Variants in SORCS2 observed in about 807,000 individuals in gnomAD.
SORCS2 encodes sortilin related VPS10 domain containing receptor 2, also known as VPS10 domain-containing receptor SorCS2.
Under a neutral mutation model 141.6 loss-of-function variants are expected in SORCS2, and 100 were observed. That is an observed-to-expected ratio of 0.71 (90% CI 0.60 to 0.83). The LOEUF is 0.83. Among genes scored for constraint, SORCS2 ranks in the 40% least tolerant of loss-of-function variants. The pLI is 0.00. For synonymous variants in SORCS2, 789 were observed against 676.9 expected (o/e 1.17, Z -2.57); for missense variants, 1,646 against 1,560.2 (o/e 1.05, Z -0.93).
At chr4:7,402,872 C>T (rs1231006009) in intron 2 of SORCS2, among the ~76,000 whole-genome samples, 1 of 151,910 alleles carries the variant, frequency 6.6e-6, no homozygotes, top group East Asian at 1.9e-4. Context: ...TGTGACTCAC[C>T]TGCTCATATC....
intron 3 of SORCS2, among the ~76,000 whole-genome samples, chr4:7,598,113 C>T (rs952933885): frequency 2.0e-5 from 3 of 152,044 alleles, no homozygotes; most frequent in Non-Finnish European, 2.9e-5. Context: ...GGATTACAGG[C>T]GTAAGCCACC....
chr4:7,577,095 T>C (rs947219782), intron 3 of SORCS2, among the ~76,000 whole-genome samples: 2 of 152,178 alleles, frequency 1.3e-5, no homozygotes, highest in African/African-American at 4.8e-5. Context: ...GTTGAGTTCC[T>C]GTTTTAGAGA....
At chr4:7,667,078 G>A in intron 7 of SORCS2, 46 bp from the exon 8 acceptor site, 1 of 1,516,562 alleles carries the variant, frequency 6.6e-7, no homozygotes, top group Non-Finnish European at 9.1e-7. Context: ...ACTGTGGCTG[G>A]AGAGGGAATC....
At chr4:7,273,310 C>G (rs1279472673) in intron 1 of SORCS2, among the ~76,000 whole-genome samples, 1 of 152,230 alleles carries the variant, frequency 6.6e-6, no homozygotes, top group African/African-American at 2.4e-5. Context: ...ATCTAGCCCT[C>G]TTTCCCTGGT....
intron 1 of SORCS2, among the ~76,000 whole-genome samples, chr4:7,284,589 A>G (rs554539525): frequency 6.2e-4 from 95 of 152,276 alleles, no homozygotes; most frequent in African/African-American, 2.2e-3. Context: ...TGAGGACAGC[A>G]TTTGACACAG....
chr4:7,366,558 C>T (rs573422123), intron 1 of SORCS2, among the ~76,000 whole-genome samples: 1 of 151,312 alleles, frequency 6.6e-6, no homozygotes, highest in Non-Finnish European at 1.5e-5. Context: ...CTCCTCCATC[C>T]TCATCAGCCT....
intron 1 of SORCS2, among the ~76,000 whole-genome samples, chr4:7,390,047 T>C (rs554287304): frequency 3.9e-5 from 6 of 152,158 alleles, no homozygotes; most frequent in Non-Finnish European, 7.3e-5. Flanking sequence ...GGAAGCTGCA[T>C]GGCCAGTCCC....
At chr4:7,543,971 T>TCCATCCATCCAC in intron 3 of SORCS2, among the ~76,000 whole-genome samples, 1 of 123,256 alleles carries the variant, frequency 8.1e-6, no homozygotes, top group Non-Finnish European at 1.7e-5. Context: ...CATCCATCCA[T>TCCATCCATCCAC]CCACCCATCC....
chr4:7,711,841 C>T (rs754417046), intron 14 of SORCS2, among the ~76,000 whole-genome samples: 6 of 152,194 alleles, frequency 3.9e-5, no homozygotes, highest in Non-Finnish European at 5.9e-5. Context: ...CCATGGATGC[C>T]GCAGGGTGCC....
rs1725613996 is a variant in SORCS2, at chr4:7,708,438, A to G, written c.1868+4154A>G. On this transcript the variant is annotated intron_variant, in intron 14 of 26. Coordinates refer to ENST00000507866, the MANE Select transcript of SORCS2 (RefSeq NM_020777.3). ...GGGCCCCCTTCACTGGTCTCACTGAACATCCAGTACCCGCCACGGGTGGGT... is the reference window on the plus strand; with the variant it reads ...GGGCCCCCTTCACTGGTCTCACTGAGCATCCAGTACCCGCCACGGGTGGGT... 2.6e-5 allele frequency among the ~76,000 whole-genome samples: 4 copies of G among 151,982 alleles called. No individual in the cohort carries two copies. In the South Asian group the frequency reaches 8.3e-4, roughly 32 times the overall value.
intron 2 of SORCS2, among the ~76,000 whole-genome samples, chr4:7,428,876 G>A (rs57156784): frequency 6.6e-6 from 1 of 152,120 alleles, no homozygotes; most frequent in African/African-American, 2.4e-5. Flanking sequence ...TAGACAGGAG[G>A]GGGTGGTGGC....
At position 7,624,294 on chromosome 4, in the gene SORCS2, A is replaced by G. The variant is rs551909079; in HGVS notation, c.649-14034A>G. ...TCACGGGCCTTTCTTATTGGAGTCTATGACCACGGAATACAAATGGTCCCT... is the reference window on the plus strand; with the variant it reads ...TCACGGGCCTTTCTTATTGGAGTCTGTGACCACGGAATACAAATGGTCCCT... On this transcript the variant is annotated intron_variant, in intron 3 of 26. Transcript: ENST00000507866. Among the ~76,000 whole-genome samples the G allele has an allele frequency of 1.4e-4, 22 of 152,336 alleles. No homozygotes were observed. The South Asian group carries it at 3.3e-3, about 23-fold the overall frequency.
chr4:7,695,642 G>T (rs1577084248), intron 11 of SORCS2, among the ~76,000 whole-genome samples: 1 of 11,480 alleles, frequency 8.7e-5, no homozygotes, highest in African/African-American at 3.5e-4. Context: ...GTGGGTGGAT[G>T]GATGGATGGA....
At chr4:7,506,220 G>C (rs1291173751) in intron 2 of SORCS2, among the ~76,000 whole-genome samples, 1 of 147,748 alleles carries the variant, frequency 6.8e-6, no homozygotes, top group Non-Finnish European at 1.5e-5. Context: ...CTTTTAGTCT[G>C]AGCGGGCCTC....
chr4:7,523,462 C>T (rs1733469414), intron 2 of SORCS2, among the ~76,000 whole-genome samples: 2 of 152,142 alleles, frequency 1.3e-5, no homozygotes, highest in South Asian at 2.1e-4. Flanking sequence ...GCTTGCGTCC[C>T]CACTCTGGCC....
intron 1 of SORCS2, among the ~76,000 whole-genome samples, chr4:7,332,811 G>A (rs550481494): frequency 6.6e-6 from 1 of 152,314 alleles, no homozygotes; most frequent in South Asian, 2.1e-4. Context: ...CTGGCCACTG[G>A]GGATGGGGCA....
At chr4:7,249,014 A>G (rs974558855) in intron 1 of SORCS2, among the ~76,000 whole-genome samples, 3 of 152,260 alleles carry the variant, frequency 2.0e-5, no homozygotes, top group African/African-American at 7.2e-5. Flanking sequence ...ATGTGGGATT[A>G]TGCAGTTTGT....
intron 3 of SORCS2, among the ~76,000 whole-genome samples, chr4:7,580,140 C>G (rs1400216511): frequency 6.6e-6 from 1 of 152,208 alleles, no homozygotes; most frequent in African/African-American, 2.4e-5. Flanking sequence ...AGTAACTTGT[C>G]ATTTTCTACA....
rs2148899276 is a variant in SORCS2 at position 7,734,294 on chromosome 4, T to TGGCGGC, written c.3232_3237dup (p.Gly1078_Gly1079dup). On this transcript the variant is annotated inframe_insertion, in exon 25 of 27. Coordinates refer to ENST00000507866, the MANE Select transcript of SORCS2 (RefSeq NM_020777.3). ...CAGGTGCTGAGCAGCTGGGCGGCGGTGGCGGCTACTGGGCGGTAGTGGTGC... is the reference window on the plus strand; with the variant it reads ...CAGGTGCTGAGCAGCTGGGCGGCGGTGGCGGCGGCGGCTACTGGGCGGTAGTGGTGC... The TGGCGGC allele has an allele frequency of 1.2e-6, 2 of 1,602,692 alleles. No individual in the cohort carries two copies. Among genetic ancestry groups the TGGCGGC allele is most frequent in the East Asian group, 4.5e-5 (2 of 44,402 alleles).
Sources: allele counts gnomAD v4.1 joint callset (sites outside exome capture counted in the v4.1 genomes callset), GRCh38; gene constraint gnomAD v4.1.1; transcripts MANE v1.5; gene names NCBI Gene and HGNC (gene_info 2026-07-23, HGNC 2026-07-21).